Variants in RCC2 observed in about 807,000 individuals in gnomAD.
The protein encoded by RCC2 is regulator of chromosome condensation 2, also known as protein RCC2.
In RCC2, 19 loss-of-function variants were observed where a neutral mutation model predicts 64.1. The observed-to-expected ratio is 0.30, with a 90% CI of 0.21 to 0.44. The LOEUF is 0.44. Among genes scored for constraint, RCC2 ranks in the 20% least tolerant of loss-of-function variants. The pLI, the probability that RCC2 is intolerant of heterozygous loss-of-function variation, is 1.00. For synonymous variants in RCC2, 325 were observed against 279.6 expected (o/e 1.16, Z -1.62); for missense variants, 508 against 710.4 (o/e 0.72, Z 3.24).
At position 17,413,101 on chromosome 1, in the gene RCC2, C is replaced by T. The variant is rs755366965; in HGVS notation, c.1285G>A (p.Gly429Ser). The T allele has an allele frequency of 6.8e-6, 11 of 1,613,896 alleles. No individual in the cohort carries two copies. The highest frequency in any genetic ancestry group is 1.7e-5 in the Admixed American group (1 of 60,000). ...MYPKAVQDLC[G>S]WRIRSLACGK... The stretch of plus-strand genomic sequence containing the variant: ...CAAGCCAGGCTCCGGATTCTCCAGC[C>T]GCAGAGGTCCTGCACTGCTTTTGGG... The change falls in exon 10 of 13, where the codon GGC becomes AGC. Residue 429 changes from glycine to serine, a missense_variant. This residue lies in a region of RCC2 where 179 missense variants were observed against 322.0 expected (regional missense o/e 0.56). Coordinates refer to ENST00000375436, the MANE Select transcript of RCC2 (RefSeq NM_018715.4).
At chr1:17,430,954 G>A (rs1352926600) in intron 2 of RCC2, among the ~76,000 whole-genome samples, 1 of 151,826 alleles carries the variant, frequency 6.6e-6, no homozygotes, top group Non-Finnish European at 1.5e-5. Context: ...CTGACCGCAG[G>A]TGATCCACCC....
chr1:17,413,132 G>C lies in RCC2; in HGVS notation c.1254C>G (p.Thr418=). 1 of 1,614,158 alleles carries C rather than the reference G, an allele frequency of 6.2e-7. No individual in the cohort carries two copies. Among genetic ancestry groups the C allele is most frequent in the Non-Finnish European group, 8.5e-7 (1 of 1,180,024 alleles). Residue 418 remains threonine, a synonymous_variant, in exon 10 of 13, where the codon ACC becomes ACG. Transcript: ENST00000375436. The stretch of plus-strand genomic sequence containing the variant: ...GGTCCTGCACTGCTTTTGGGTACAT[G>C]GTAGATTCACGGGAGGTGTTGGTGG... The part of the protein sequence containing the change: ...WGATNTSRES[T]MYPKAVQDLC...
chr1:17,416,651 A>G lies in RCC2; in HGVS notation c.860-5T>C. On this transcript the variant is annotated splice_polypyrimidine_tract_variant and splice_region_variant and intron_variant, in intron 7 of 12. Coordinates refer to ENST00000375436, the MANE Select transcript of RCC2 (RefSeq NM_018715.4). ...ACTTCCCATCTGAGTTGTGTCCTGT[A>G]GAGACCACAGAGCCGGCCATCAGCA... 1 of 1,605,332 alleles carries G rather than the reference A, an allele frequency of 6.2e-7. No individual in the cohort carries two copies. Among genetic ancestry groups the G allele is most frequent in the Non-Finnish European group, 8.5e-7 (1 of 1,174,364 alleles).
intron 2 of RCC2, among the ~76,000 whole-genome samples, chr1:17,432,830 C>T (rs557828156): frequency 4.6e-5 from 7 of 152,136 alleles, no homozygotes; most frequent in Non-Finnish European, 7.4e-5. Context: ...TGGTGGCTCA[C>T]GCCTGTAGTC....
chr1:17,434,137 C>T (rs2075712203), intron 2 of RCC2, among the ~76,000 whole-genome samples: 1 of 152,312 alleles, frequency 6.6e-6, no homozygotes, highest in East Asian at 1.9e-4. Context: ...ACACTGCCAT[C>T]AATATTTGGA....
At chr1:17,412,272 G>A (rs1424330514) in intron 10 of RCC2, 78 bp from the exon 11 acceptor site, 17 of 1,344,484 alleles carry the variant, frequency 1.3e-5, no homozygotes, top group Middle Eastern at 1.8e-4. Context: ...AAGGGCATGA[G>A]TGTGAGCTGC....
rs764828110 is a variant in RCC2, at chr1:17,420,867, G to C, written c.745-39C>G. On this transcript the variant is annotated intron_variant, in intron 6 of 12. Transcript: ENST00000375436. ...AAAGGAGACTTTCATTTTTTTTAAA[G>C]ACTGATAAAAAGCCTCTACCTCTCT... is the stretch of plus-strand genomic sequence containing the variant. The C allele has an allele frequency of 3.6e-6, 5 of 1,391,826 alleles. No individual in the cohort carries two copies. In the South Asian group the frequency reaches 3.7e-5, roughly 10 times the overall value. 86.2% of individuals were successfully genotyped at this position (1,391,826 alleles called of 1,614,324 possible).
At chr1:17,435,746 G>A (rs571616021) in intron 2 of RCC2, among the ~76,000 whole-genome samples, 3 of 152,190 alleles carry the variant, frequency 2.0e-5, no homozygotes, top group South Asian at 2.1e-4. Context: ...GTGAAACCCC[G>A]TCTCTACTAA....
At chr1:17,412,267 CA>C (rs1261943082) in intron 10 of RCC2, 73 bp from the exon 11 acceptor site, 1 of 1,428,504 alleles carries the variant, frequency 7.0e-7, no homozygotes, top group African/African-American at 1.4e-5. Context: ...GGCTCAAGGG[CA>C]TGAGTGTGAG....
At chr1:17,431,499 CAAAAAAAAA>C (rs558362245) in intron 2 of RCC2, among the ~76,000 whole-genome samples, 10 of 57,904 alleles carry the variant, frequency 1.7e-4, no homozygotes, top group Admixed American at 9.2e-4. Flanking sequence ...AGCCCTGTCT[CAAAAAAAAA>C]AAAAAAAAAA....
At chr1:17,433,786 C>T (rs1421098102) in intron 2 of RCC2, among the ~76,000 whole-genome samples, 1 of 152,130 alleles carries the variant, frequency 6.6e-6, no homozygotes, top group East Asian at 1.9e-4. Context: ...GTTTACGGGG[C>T]CCAGAGTCAA....
At chr1:17,434,802 C>T (rs1206138058) in intron 2 of RCC2, among the ~76,000 whole-genome samples, 1 of 152,228 alleles carries the variant, frequency 6.6e-6, no homozygotes, top group African/African-American at 2.4e-5. Flanking sequence ...CCTCCCTTTA[C>T]GTCTAGTCAC....
At chr1:17,418,453 T>C (rs945940393) in intron 7 of RCC2, among the ~76,000 whole-genome samples, 1 of 152,006 alleles carries the variant, frequency 6.6e-6, no homozygotes, top group Non-Finnish European at 1.5e-5. Flanking sequence ...GGTCAAGAGA[T>C]TGAGACCATC....
chr1:17,421,068 TTTAA>T (rs2075550686), intron 6 of RCC2, among the ~76,000 whole-genome samples: 1 of 152,178 alleles, frequency 6.6e-6, no homozygotes, highest in African/African-American at 2.4e-5. Context: ...CCACTGTCTC[TTTAA>T]GATCAATAAA....
At chr1:17,429,022 A>T in intron 3 of RCC2, 84 bp downstream of exon 3, 1 of 1,051,038 alleles carries the variant, frequency 9.5e-7, no homozygotes, top group Non-Finnish European at 1.5e-6. Flanking sequence ...TTTGTAAATG[A>T]AGGGAATACC....
At chr1:17,429,041 A>C in intron 3 of RCC2, 65 bp downstream of exon 3, 1 of 1,217,516 alleles carries the variant, frequency 8.2e-7, no homozygotes, top group Non-Finnish European at 1.2e-6. Flanking sequence ...CCTACCAGGC[A>C]GGTGGTCAAC....
At chr1:17,432,974 AAAG>A (rs1433541533) in intron 2 of RCC2, among the ~76,000 whole-genome samples, 1 of 152,140 alleles carries the variant, frequency 6.6e-6, no homozygotes, top group East Asian at 1.9e-4. Context: ...AGAAAAAGAA[AAAG>A]AAAAAGAAAA....
At chr1:17,415,713 T>TA (rs1020897903) in intron 8 of RCC2, among the ~76,000 whole-genome samples, 273 of 140,746 alleles carry the variant, frequency 1.9e-3, no homozygotes, top group African/African-American at 5.8e-3. Flanking sequence ...CCGCCTCAAA[T>TA]AAAAAAAAAA....
rs552890461 is a variant in RCC2 at position 17,430,451 on chromosome 1, T to C, written c.286-1252A>G. On this transcript the variant is annotated intron_variant, in intron 2 of 12. Coordinates refer to ENST00000375436, the MANE Select transcript of RCC2 (RefSeq NM_018715.4). The stretch of plus-strand genomic sequence containing the variant: ...GACTGCAGTGAGCCAAGATCACACC[T>C]GCTCTCCAGCTTAGGTGACATAGCC... Among the ~76,000 whole-genome samples the C allele has an allele frequency of 8.0e-4, 115 of 143,368 alleles. 1 individual carries two copies. The highest frequency in any genetic ancestry group is 2.9e-3 in the African/African-American group (111 of 38,094). The allele number at this position is 143,368 out of a possible 152,430, so 94.1% of individuals were successfully genotyped here. A position where few individuals can be genotyped will look rare whatever the true frequency, so the allele number is the denominator to read the frequency against.
Sources: gnomAD v4.1 joint callset for allele counts (sites outside exome capture counted in the v4.1 genomes callset) on GRCh38, gnomAD v4.1.1 for gene constraint, gnomAD v4.1.1 regional missense constraint, MANE v1.5 for transcripts, NCBI Gene and HGNC (gene_info 2026-07-23, HGNC 2026-07-21) for gene names.